SLC36A1: variants seen among roughly 807,000 people sequenced by gnomAD.
SLC36A1 encodes solute carrier family 36 member 1, also known as proton-coupled amino acid transporter 1.
Under a neutral mutation model 47.5 loss-of-function variants are expected in SLC36A1, and 30 were observed. That is an observed-to-expected ratio of 0.63 (90% CI 0.47 to 0.86). The LOEUF (loss-of-function observed/expected upper bound fraction) is 0.86, where lower values mean the gene tolerates loss of function less well. SLC36A1 is among the 40% of genes least tolerant of loss of function. SLC36A1 has a pLI of 0.00. For synonymous variants in SLC36A1, 255 were observed against 249.7 expected (o/e 1.02, Z -0.20); for missense variants, 517 against 606.0 (o/e 0.85, Z 1.54).
chr5:151,530,599 T>G, the SLC36A1 span, among the ~76,000 whole-genome samples: 1 of 152,262 alleles, frequency 6.6e-6, no homozygotes, highest in Non-Finnish European at 1.5e-5. Context: ...GTTTTGGGGA[T>G]ACTAACAAAC....
intron 7 of SLC36A1, 120 bp from the exon 8 acceptor site, chr5:151,473,553 C>T: frequency 1.5e-6 from 1 of 672,072 alleles, no homozygotes; most frequent in Non-Finnish European, 2.6e-6. Context: ...ATTAGACTTT[C>T]TTCCTTTAGA....
At chr5:151,529,285 CTG>C in the SLC36A1 span, 1 of 1,614,038 alleles carries the variant, frequency 6.2e-7, no homozygotes, top group Non-Finnish European at 8.5e-7. Flanking sequence ...TTGACCATGA[CTG>C]TGGTCACGTC....
At position 151,488,267 on chromosome 5, in the gene SLC36A1, G is replaced by C; in HGVS notation, c.*13G>C. 4 of 1,612,296 alleles carry C rather than the reference G, an allele frequency of 2.5e-6. No homozygotes were observed. Among genetic ancestry groups the C allele is most frequent in the Non-Finnish European group, 3.4e-6 (4 of 1,178,934 alleles). ...TGCCTTCATATAGGGATCTGGGTTC[G>C]TCTCTGCAGCTGCCTACCCCTGCCC... On this transcript the variant is annotated 3_prime_UTR_variant, in exon 11 of 11. Transcript: ENST00000243389.
the SLC36A1 span, among the ~76,000 whole-genome samples, chr5:151,415,257 CCTT>C: frequency 2.0e-5 from 3 of 152,120 alleles, no homozygotes; most frequent in Admixed American, 1.3e-4. Flanking sequence ...TATATTATGT[CCTT>C]CTTATGCTTG....
the SLC36A1 span, among the ~76,000 whole-genome samples, chr5:151,383,054 G>C: frequency 6.6e-6 from 1 of 152,120 alleles, no homozygotes; most frequent in Non-Finnish European, 1.5e-5. Flanking sequence ...GTGAGCCACC[G>C]CACCCGGCCC....
At chr5:151,505,690 A>G in the SLC36A1 span, 2 of 1,613,994 alleles carry the variant, frequency 1.2e-6, no homozygotes. Context: ...CAGACAGCAT[A>G]AGAGGGCCCA....
chr5:151,447,490 G>T (rs115235166), upstream of SLC36A1: 1,010 of 152,454 alleles, frequency 6.6e-3, 7 homozygotes, highest in African/African-American at 0.023. Flanking sequence ...GCAGTAATAG[G>T]TCGCCAGGTG....
chr5:151,385,143 C>T, the SLC36A1 span, among the ~76,000 whole-genome samples: 1 of 152,092 alleles, frequency 6.6e-6, no homozygotes, highest in South Asian at 2.1e-4. Context: ...AATTGGCCAC[C>T]TGAGTACCAC....
the SLC36A1 span, chr5:151,550,493 A>T: frequency 7.3e-7 from 1 of 1,377,166 alleles, no homozygotes; most frequent in South Asian, 1.3e-5. Flanking sequence ...CATGGTCCTT[A>T]TGAGGGGAAG....
chr5:151,363,734 GC>G, the SLC36A1 span, among the ~76,000 whole-genome samples: 1 of 152,128 alleles, frequency 6.6e-6, no homozygotes, highest in Non-Finnish European at 1.5e-5. Context: ...CTTCTTGGGA[GC>G]ACTTCCAGCA....
chr5:151,463,679 A>G (rs771547617), intron 3 of SLC36A1, 36 bp downstream of exon 3: 6 of 1,501,372 alleles, frequency 4.0e-6, no homozygotes, highest in Non-Finnish European at 4.6e-6. Context: ...AGTGGTGACA[A>G]ATTTTAGGAG....
At chr5:151,377,663 A>G in the SLC36A1 span, among the ~76,000 whole-genome samples, 1 of 152,112 alleles carries the variant, frequency 6.6e-6, no homozygotes, top group Non-Finnish European at 1.5e-5. Context: ...CTCTTTCTTT[A>G]GGTCTAGTAA....
the SLC36A1 span, among the ~76,000 whole-genome samples, chr5:151,390,709 A>G: frequency 1.1e-4 from 16 of 152,138 alleles, no homozygotes; most frequent in Admixed American, 3.3e-4. Flanking sequence ...CAAAGATCAG[A>G]TGGTTGTAGA....
chr5:151,495,880 A>G (rs1010130064), downstream of SLC36A1, among the ~76,000 whole-genome samples: 1 of 152,174 alleles, frequency 6.6e-6, no homozygotes, highest in African/African-American at 2.4e-5. Context: ...ATTGCTGAGT[A>G]GGGTTCCATG....
the SLC36A1 span, among the ~76,000 whole-genome samples, chr5:151,384,061 C>T: frequency 0.5 from 75,046 of 151,506 alleles, 20,578 homozygotes; most frequent in African/African-American, 0.75. Context: ...GCCATGAAGG[C>T]AAATGTCTTC....
chr5:151,458,991 C>T (rs978990467), intron 2 of SLC36A1, 56 bp downstream of exon 2: 2 of 1,534,484 alleles, frequency 1.3e-6, no homozygotes, highest in African/African-American at 2.7e-5. Context: ...CTAAGCCTCC[C>T]TTGGACTTAT....
intron 1 of SLC36A1, among the ~76,000 whole-genome samples, chr5:151,450,756 C>G (rs957700009): frequency 6.6e-6 from 1 of 152,192 alleles, no homozygotes; most frequent in Non-Finnish European, 1.5e-5. Flanking sequence ...TGCTTGATAT[C>G]GCTTCAAAGG....
the SLC36A1 span, chr5:151,387,170 A>C: frequency 6.6e-6 from 1 of 152,528 alleles, no homozygotes; most frequent in Non-Finnish European, 1.5e-5. Flanking sequence ...AGAGACATAG[A>C]ACTGCAGGGG....
At chr5:151,547,560 AAAACTTTC>A in the SLC36A1 span, among the ~76,000 whole-genome samples, 1 of 152,236 alleles carries the variant, frequency 6.6e-6, no homozygotes, top group Non-Finnish European at 1.5e-5. Flanking sequence ...GTTTTGTCAT[AAAACTTTC>A]AATCTGATTC....
Sources: gnomAD v4.1 joint callset for allele counts (sites outside exome capture counted in the v4.1 genomes callset) on GRCh38, gnomAD v4.1.1 for gene constraint, MANE v1.5 for transcripts, NCBI Gene and HGNC (gene_info 2026-07-23, HGNC 2026-07-21) for gene names.